The following LRMDA variants were observed in gnomAD, a reference collection of about 807,000 sequenced individuals.
LRMDA encodes the protein leucine-rich melanocyte differentiation-associated protein.
Under a neutral mutation model 29.8 loss-of-function variants are expected in LRMDA, and 18 were observed. The observed-to-expected ratio is 0.60, with a 90% CI of 0.42 to 0.90. The LOEUF (loss-of-function observed/expected upper bound fraction) is 0.90, where lower values mean the gene tolerates loss of function less well. LRMDA is among the 40% of genes least tolerant of loss of function. The pLI is 0.00. For missense variants in LRMDA, 273 were observed against 273.9 expected, an observed-to-expected ratio of 1.00 and a Z score of 0.02; for synonymous variants, 125 against 109.4, an observed-to-expected ratio of 1.14 and a Z score of -0.89.
At chr10:75,946,300 C>T (rs1472557654) in intron 2 of LRMDA, among the ~76,000 whole-genome samples, 3 of 152,216 alleles carry the variant, frequency 2.0e-5, no homozygotes, top group Non-Finnish European at 4.4e-5. Context: ...CCCATGTGAG[C>T]TATTTGATGT....
At chr10:75,552,245 T>C (rs1840159534) in intron 2 of LRMDA, among the ~76,000 whole-genome samples, 1 of 152,154 alleles carries the variant, frequency 6.6e-6, no homozygotes, top group Admixed American at 6.5e-5. Flanking sequence ...TTTCTGTGTG[T>C]CTGAAAAATT....
chr10:75,953,249 A>C lies in LRMDA; in HGVS notation c.132-82759A>C, dbSNP rs138780149. Reference sequence around the variant, plus strand: ...CACCATGCCCAGCTAATCGGTTTTTAAAATTTTTTATAGAGATAGCGGTCT... The same window carrying C: ...CACCATGCCCAGCTAATCGGTTTTTCAAATTTTTTATAGAGATAGCGGTCT... On this transcript the variant is annotated intron_variant, in intron 2 of 6. Coordinates refer to ENST00000611255, the MANE Select transcript of LRMDA (RefSeq NM_001305581.2). Among the ~76,000 whole-genome samples, 80 of 151,696 alleles carry C rather than the reference A, an allele frequency of 5.3e-4. 2 individuals are homozygous for C. In the South Asian group the frequency reaches 0.011, roughly 21 times the overall value.
intron 2 of LRMDA, among the ~76,000 whole-genome samples, chr10:75,525,820 T>C (rs563389551): frequency 2.1e-4 from 32 of 151,654 alleles, no homozygotes; most frequent in African/African-American, 7.5e-4. Flanking sequence ...GTGTTTATTA[T>C]AAAGCCTTTC....
chr10:76,433,718 C>T (rs918040773), intron 6 of LRMDA: 7 of 152,264 alleles, frequency 4.6e-5, no homozygotes, highest in African/African-American at 1.7e-4. Flanking sequence ...TCCTCTAGCC[C>T]CAGCCCTGAG....
At chr10:75,955,846 G>A (rs1846655025) in intron 2 of LRMDA, among the ~76,000 whole-genome samples, 1 of 152,162 alleles carries the variant, frequency 6.6e-6, no homozygotes, top group African/African-American at 2.4e-5. Context: ...TCCTCAGGGA[G>A]CTCTTCCATG....
intron 2 of LRMDA, among the ~76,000 whole-genome samples, chr10:75,535,796 G>A (rs1233181030): frequency 2.6e-5 from 4 of 152,154 alleles, no homozygotes; most frequent in East Asian, 1.9e-4. Context: ...CTCAGGTTCC[G>A]GATGCCCCCT....
At chr10:75,946,834 T>A (rs1846484390) in intron 2 of LRMDA, among the ~76,000 whole-genome samples, 1 of 152,268 alleles carries the variant, frequency 6.6e-6, no homozygotes. Context: ...GGGTCCACTC[T>A]TAGGAGAAGA....
chr10:76,433,499 G>A (rs111270121), intron 6 of LRMDA, among the ~76,000 whole-genome samples: 5,931 of 152,266 alleles, frequency 0.039, 287 homozygotes, highest in African/African-American at 0.11. Flanking sequence ...GGTGGAGCAC[G>A]GCCTGTCCTG....
chr10:75,881,458 C>A (rs1000332342), intron 2 of LRMDA, among the ~76,000 whole-genome samples: 2 of 152,074 alleles, frequency 1.3e-5, no homozygotes, highest in Admixed American at 1.3e-4. Context: ...AACAAAAGGA[C>A]GAGAGGCTAC....
chr10:75,627,694 A>G (rs1177000887), intron 2 of LRMDA, among the ~76,000 whole-genome samples: 1 of 152,160 alleles, frequency 6.6e-6, no homozygotes, highest in African/African-American at 2.4e-5. Context: ...ACCAACAGAA[A>G]TCTACCTCTA....
At chr10:75,695,635 C>T (rs4745792) in intron 2 of LRMDA, among the ~76,000 whole-genome samples, 6,280 of 152,170 alleles carry the variant, frequency 0.041, 282 homozygotes, top group African/African-American at 0.11. Flanking sequence ...AGAGTCCAGG[C>T]AGGAGGTGGT....
intron 6 of LRMDA, among the ~76,000 whole-genome samples, chr10:76,484,497 A>G (rs913346617): frequency 1.3e-5 from 2 of 151,958 alleles, no homozygotes; most frequent in East Asian, 3.9e-4. Context: ...GGTGCTTGGT[A>G]GTTTTCAACA....
intron 5 of LRMDA, among the ~76,000 whole-genome samples, chr10:76,161,718 G>A (rs1308424789): frequency 6.6e-6 from 1 of 152,206 alleles, no homozygotes; most frequent in East Asian, 1.9e-4. Flanking sequence ...TGGCCTTCCT[G>A]CCCTGTCTTT....
At chr10:76,430,143 A>G (rs1349336545) in intron 6 of LRMDA, among the ~76,000 whole-genome samples, 2 of 152,164 alleles carry the variant, frequency 1.3e-5, no homozygotes, top group East Asian at 3.9e-4. Context: ...GAAACAAGGT[A>G]TATTTTCCCC....
At chr10:75,521,270 A>G (rs1021390775) in intron 2 of LRMDA, among the ~76,000 whole-genome samples, 4 of 152,234 alleles carry the variant, frequency 2.6e-5, no homozygotes, top group African/African-American at 9.6e-5. Flanking sequence ...TTAAGTCCAC[A>G]GAAGTTTCTG....
intron 6 of LRMDA, among the ~76,000 whole-genome samples, chr10:76,365,069 T>TACAC (rs1343341956): frequency 0.12 from 6,192 of 52,804 alleles, 244 homozygotes; most frequent in East Asian, 0.23. Flanking sequence ...ATCGTATATA[T>TACAC]ATACACACAC....
chr10:76,007,007 TGTGTGTGTGTGTGTGTGTGTGTGTGCGC>T (rs1196563270), intron 2 of LRMDA, among the ~76,000 whole-genome samples: 1 of 106,970 alleles, frequency 9.3e-6, no homozygotes, highest in Non-Finnish European at 2.0e-5. Flanking sequence ...TGTGTGTGTG[TGTGTGTGTGTGTGTGTGTGTGTGTGCGC>T]GTGTGTGTTT....
intron 2 of LRMDA, among the ~76,000 whole-genome samples, chr10:75,971,981 A>G (rs1019438213): frequency 1.3e-5 from 2 of 152,326 alleles, no homozygotes; most frequent in African/African-American, 4.8e-5. Context: ...TCAGTCTTTC[A>G]TATTTCAGAT....
intron 2 of LRMDA, among the ~76,000 whole-genome samples, chr10:76,003,615 T>A (rs1589284239): frequency 6.6e-6 from 1 of 152,038 alleles, no homozygotes; most frequent in South Asian, 2.1e-4. Flanking sequence ...GCAGGACAGG[T>A]TGCAGTATTG....
Sources: gnomAD v4.1 joint callset for allele counts (sites outside exome capture counted in the v4.1 genomes callset) on GRCh38, gnomAD v4.1.1 for gene constraint, MANE v1.5 for transcripts, NCBI Gene and HGNC (gene_info 2026-07-23, HGNC 2026-07-21) for gene names.